The following FAF1 variants were observed in gnomAD, a reference collection of about 807,000 sequenced individuals.
The protein encoded by FAF1 is FAS-associated factor 1.
Under a neutral mutation model 92.5 loss-of-function variants are expected in FAF1, and 25 were observed. The ratio of observed to expected loss-of-function variants is 0.27; its 90% confidence interval spans 0.20 to 0.38. The LOEUF (loss-of-function observed/expected upper bound fraction) is 0.38, where lower values mean the gene tolerates loss of function less well. FAF1 is among the 10% of genes least tolerant of loss of function. The pLI is 1.00. For synonymous variants in FAF1, 234 were observed against 273.2 expected, an observed-to-expected ratio of 0.86 and a Z score of 1.42; for missense variants, 636 against 793.3, an observed-to-expected ratio of 0.80 and a Z score of 2.38.
rs1452601602 is a variant in FAF1, at chr1:50,646,639, CACTA to C, written c.744+8799_744+8802del. Among the ~76,000 whole-genome samples, 4 of 152,156 alleles carry C rather than the reference CACTA, an allele frequency of 2.6e-5. No individual in the cohort carries two copies. The East Asian group carries it at 5.8e-4, about 22-fold the overall frequency. On this transcript the variant is annotated intron_variant, in intron 8 of 18. Transcript: ENST00000396153. ...CACTGAGAAGTCATTTTTTCACTAC[CACTA>C]ACTGTTAGCAAAATTGGTTGTTCCC...
At chr1:50,667,150 A>AT (rs763439051) in intron 7 of FAF1, among the ~76,000 whole-genome samples, 1 of 152,250 alleles carries the variant, frequency 6.6e-6, no homozygotes, top group Non-Finnish European at 1.5e-5. Context: ...AGATGGCAAG[A>AT]TAAAAAATTT....
At chr1:50,679,115 G>A (rs1656308336) in intron 7 of FAF1, among the ~76,000 whole-genome samples, 1 of 152,064 alleles carries the variant, frequency 6.6e-6, no homozygotes, top group African/African-American at 2.4e-5. Context: ...ATTTTTCTGT[G>A]CCAGATCTTT....
At chr1:50,714,109 T>G (rs919102966) in intron 6 of FAF1, among the ~76,000 whole-genome samples, 2 of 152,092 alleles carry the variant, frequency 1.3e-5, no homozygotes, top group African/African-American at 4.8e-5. Context: ...GAATTTTAAC[T>G]CAATGCAAGA....
chr1:50,908,902 T>C (rs1245724267), intron 1 of FAF1, among the ~76,000 whole-genome samples: 1 of 152,224 alleles, frequency 6.6e-6, no homozygotes, highest in Non-Finnish European at 1.5e-5. Context: ...TATGTGTGAA[T>C]TTGATCCTGT....
At chr1:50,572,026 C>T (rs1253388325) in intron 12 of FAF1, among the ~76,000 whole-genome samples, 1 of 151,994 alleles carries the variant, frequency 6.6e-6, no homozygotes, top group African/African-American at 2.4e-5. Context: ...AAAATAATTT[C>T]CTTGTGTAAA....
chr1:50,915,517 C>T (rs1012289032), intron 1 of FAF1, among the ~76,000 whole-genome samples: 1 of 151,884 alleles, frequency 6.6e-6, no homozygotes, highest in African/African-American at 2.4e-5. Context: ...TAACTGTTTA[C>T]AGAGATGATG....
intron 2 of FAF1, among the ~76,000 whole-genome samples, chr1:50,831,639 C>CTATA (rs1334057559): frequency 6.6e-6 from 1 of 152,082 alleles, no homozygotes; most frequent in Non-Finnish European, 1.5e-5. Context: ...TAGTAGCTTC[C>CTATA]TATAGTGGGT....
At chr1:50,533,321 C>T (rs1206567775) in intron 15 of FAF1, among the ~76,000 whole-genome samples, 1 of 152,124 alleles carries the variant, frequency 6.6e-6, no homozygotes, top group Non-Finnish European at 1.5e-5. Flanking sequence ...GATCCATCCA[C>T]CTTGGCCTCC....
At chr1:50,606,563 G>T (rs1408576958) in intron 8 of FAF1, among the ~76,000 whole-genome samples, 1 of 128,696 alleles carries the variant, frequency 7.8e-6, no homozygotes, top group Non-Finnish European at 1.6e-5. Flanking sequence ...GCAATGGCAC[G>T]ATCTCAGCTC....
intron 14 of FAF1, among the ~76,000 whole-genome samples, chr1:50,537,360 G>C (rs1407479922): frequency 6.6e-6 from 1 of 152,108 alleles, no homozygotes; most frequent in Non-Finnish European, 1.5e-5. Context: ...AGCCCTTATT[G>C]ATCAAAGACA....
intron 15 of FAF1, among the ~76,000 whole-genome samples, chr1:50,494,691 C>T (rs1200476331): frequency 6.6e-6 from 1 of 152,156 alleles, no homozygotes; most frequent in East Asian, 1.9e-4. Flanking sequence ...CTCACTGGTC[C>T]CTACCTGAGC....
At chr1:50,932,357 T>A (rs573034784) in intron 1 of FAF1, among the ~76,000 whole-genome samples, 5 of 152,218 alleles carry the variant, frequency 3.3e-5, no homozygotes, top group African/African-American at 1.2e-4. Context: ...AGGGTACAGG[T>A]ATTGGGTAAA....
At chr1:50,804,913 G>A (rs1207292455) in intron 2 of FAF1, among the ~76,000 whole-genome samples, 3 of 152,266 alleles carry the variant, frequency 2.0e-5, no homozygotes, top group African/African-American at 7.2e-5. Context: ...CTAGGGCTCA[G>A]GAGAGGGGCT....
chr1:50,775,132 A>G (rs1397768953), intron 4 of FAF1, among the ~76,000 whole-genome samples: 4 of 152,164 alleles, frequency 2.6e-5, no homozygotes, highest in Non-Finnish European at 4.4e-5. Flanking sequence ...TTTCAGTAAC[A>G]CTGAAATGAG....
chr1:50,519,729 T>C (rs1424343569), intron 15 of FAF1, among the ~76,000 whole-genome samples: 1 of 152,194 alleles, frequency 6.6e-6, no homozygotes, highest in Non-Finnish European at 1.5e-5. Flanking sequence ...ATGTGTGTTA[T>C]TGGCTGATAG....
intron 1 of FAF1, among the ~76,000 whole-genome samples, chr1:50,927,138 T>C (rs1169052495): frequency 1.3e-5 from 2 of 152,074 alleles, no homozygotes; most frequent in African/African-American, 4.8e-5. Context: ...TCAATAGAGT[T>C]TGGGAAGATG....
intron 6 of FAF1, among the ~76,000 whole-genome samples, chr1:50,718,347 T>C (rs956063466): frequency 6.6e-6 from 1 of 152,146 alleles, no homozygotes; most frequent in African/African-American, 2.4e-5. Context: ...TTTTAATCAG[T>C]GTAAATGGGA....
chr1:50,757,937 T>A (rs1320443439), intron 4 of FAF1, among the ~76,000 whole-genome samples: 4 of 152,098 alleles, frequency 2.6e-5, no homozygotes, highest in African/African-American at 4.8e-5. Flanking sequence ...ATTTTTTTTT[T>A]AATGTAGTCT....
At chr1:50,655,194 G>A (rs2124294115) in intron 8 of FAF1, among the ~76,000 whole-genome samples, 1 of 152,170 alleles carries the variant, frequency 6.6e-6, no homozygotes, top group Admixed American at 6.5e-5. Context: ...GCTAATTTTT[G>A]TGTTTTCAGT....
Sources: gnomAD v4.1 joint callset for allele counts (sites outside exome capture counted in the v4.1 genomes callset) on GRCh38, gnomAD v4.1.1 for gene constraint, MANE v1.5 for transcripts, NCBI Gene and HGNC (gene_info 2026-07-23, HGNC 2026-07-21) for gene names.